PTH2R: variants seen among roughly 807,000 people sequenced by gnomAD.
PTH2R encodes parathyroid hormone 2 receptor, also known as PTH2 receptor.
Under a neutral mutation model 60.3 loss-of-function variants are expected in PTH2R, and 59 were observed. The observed-to-expected ratio is 0.98, with a 90% CI of 0.79 to 1.22. The LOEUF (loss-of-function observed/expected upper bound fraction) is 1.22. Ranked by LOEUF, PTH2R falls within the 50% of genes most tolerant of loss-of-function variation. The probability of loss-of-function intolerance (pLI) is 0.00; values close to 1 mark genes in which losing one functional copy is unlikely to be tolerated. For missense variants in PTH2R, 749 were observed against 682.6 expected, an observed-to-expected ratio of 1.10 and a Z score of -1.08; for synonymous variants, 256 against 243.8, an observed-to-expected ratio of 1.05 and a Z score of -0.47.
At chr2:208,386,343 G>A (rs1375091140) in intron 1 of PTH2R, among the ~76,000 whole-genome samples, 1 of 152,194 alleles carries the variant, frequency 6.6e-6, no homozygotes, top group Non-Finnish European at 1.5e-5. Context: ...TGGTATTGAT[G>A]TAGATTCAGT....
intron 8 of PTH2R, among the ~76,000 whole-genome samples, chr2:208,454,562 A>T (rs1702472457): frequency 6.6e-6 from 1 of 152,218 alleles, no homozygotes; most frequent in African/African-American, 2.4e-5. Flanking sequence ...TGGCACCCTG[A>T]TCTTGAACTT....
chr2:208,411,671 A>G (rs895252380), intron 1 of PTH2R, among the ~76,000 whole-genome samples: 14 of 152,188 alleles, frequency 9.2e-5, no homozygotes, highest in Non-Finnish European at 1.6e-4. Context: ...ACTGGAACCC[A>G]TCTTGTCCTT....
intron 11 of PTH2R, among the ~76,000 whole-genome samples, chr2:208,489,627 A>G (rs1186332341): frequency 6.6e-6 from 1 of 152,144 alleles, no homozygotes; most frequent in Non-Finnish European, 1.5e-5. Flanking sequence ...CTGCTTACTC[A>G]TTTGCTAGTC....
At chr2:208,461,151 C>T (rs937679774) in intron 9 of PTH2R, among the ~76,000 whole-genome samples, 4 of 152,094 alleles carry the variant, frequency 2.6e-5, no homozygotes, top group Non-Finnish European at 5.9e-5. Context: ...CTAAACCATC[C>T]TATTAACAAA....
At chr2:208,375,865 G>T (rs1024346778) in intron 1 of PTH2R, among the ~76,000 whole-genome samples, 1 of 152,080 alleles carries the variant, frequency 6.6e-6, no homozygotes, top group Non-Finnish European at 1.5e-5. Flanking sequence ...GCAGAGTAGG[G>T]AGTAAGAGAG....
intron 9 of PTH2R, among the ~76,000 whole-genome samples, chr2:208,478,764 A>C (rs1347753882): frequency 6.6e-6 from 1 of 152,162 alleles, no homozygotes; most frequent in Non-Finnish European, 1.5e-5. Flanking sequence ...AAGGGTGTAC[A>C]GTGTGGATCC....
chr2:208,363,859 G>C (rs1162775132), intron 1 of PTH2R, among the ~76,000 whole-genome samples: 1 of 152,058 alleles, frequency 6.6e-6, no homozygotes, highest in East Asian at 1.9e-4. Flanking sequence ...TTTTTAATGG[G>C]CTTGTTTGTT....
intron 1 of PTH2R, among the ~76,000 whole-genome samples, chr2:208,392,537 G>T (rs2125883345): frequency 6.6e-6 from 1 of 152,270 alleles, no homozygotes; most frequent in South Asian, 2.1e-4. Flanking sequence ...TTGTCCTGGG[G>T]CTATAAGGAT....
At chr2:208,444,572 T>G (rs1702250271) in intron 6 of PTH2R, among the ~76,000 whole-genome samples, 162 bp from the exon 7 acceptor site, 1 of 152,194 alleles carries the variant, frequency 6.6e-6, no homozygotes, top group Non-Finnish European at 1.5e-5. Flanking sequence ...AATGATGCAT[T>G]AAAATAACTG....
At chr2:208,382,089 C>A (rs972036214) in intron 1 of PTH2R, among the ~76,000 whole-genome samples, 4 of 152,130 alleles carry the variant, frequency 2.6e-5, no homozygotes, top group African/African-American at 9.7e-5. Context: ...TTCCAATTAG[C>A]ATAATGCTTT....
At chr2:208,418,623 C>A (rs540798609) in intron 1 of PTH2R, among the ~76,000 whole-genome samples, 3 of 152,076 alleles carry the variant, frequency 2.0e-5, no homozygotes, top group South Asian at 4.2e-4. Flanking sequence ...AAAAATTATA[C>A]TAAATGAGGT....
intron 1 of PTH2R, among the ~76,000 whole-genome samples, chr2:208,370,954 C>T (rs1380116871): frequency 6.6e-6 from 1 of 151,914 alleles, no homozygotes; most frequent in South Asian, 2.1e-4. Flanking sequence ...GGGGAGCATG[C>T]ATCTTACATG....
intron 9 of PTH2R, among the ~76,000 whole-genome samples, chr2:208,477,980 C>CTAGT (rs1559231947): frequency 3.1e-5 from 2 of 64,280 alleles, no homozygotes; most frequent in African/African-American, 6.6e-5. Flanking sequence ...GTACTACTAG[C>CTAGT]ACTACTACTA....
Position 208,493,792 on chromosome 2 carries a change from C to A in PTH2R, c.*133C>A, listed in dbSNP as rs535273165. The A allele has an allele frequency of 7.7e-6, 8 of 1,036,288 alleles. No homozygotes were observed. The South Asian group carries it at 1.3e-4, about 17-fold the overall frequency. 64.2% of individuals were successfully genotyped at this position (1,036,288 alleles called of 1,614,324 possible). A position where few individuals can be genotyped will look rare whatever the true frequency, so the allele number is the denominator to read the frequency against. Reference sequence around the variant, plus strand: ...GTGTTACTTAATAATAGTTTTTAGGCTCCATGAATTGGCTCCTGTAAATAC... The same window carrying A: ...GTGTTACTTAATAATAGTTTTTAGGATCCATGAATTGGCTCCTGTAAATAC... On this transcript the variant is annotated 3_prime_UTR_variant, in exon 13 of 13. Coordinates refer to ENST00000272847, the MANE Select transcript of PTH2R (RefSeq NM_005048.4).
chr2:208,370,401 C>A (rs773249532), intron 1 of PTH2R, among the ~76,000 whole-genome samples: 1 of 123,932 alleles, frequency 8.1e-6, no homozygotes, highest in Non-Finnish European at 1.6e-5. Flanking sequence ...AGAGATCACA[C>A]CACTGCACCC....
At chr2:208,363,462 T>C (rs1700517558) in intron 1 of PTH2R, among the ~76,000 whole-genome samples, 1 of 152,220 alleles carries the variant, frequency 6.6e-6, no homozygotes, top group South Asian at 2.1e-4. Context: ...TTGTGAATAG[T>C]GCTATGATGA....
chr2:208,429,739 T>C (rs988839353), intron 2 of PTH2R, among the ~76,000 whole-genome samples: 3 of 152,192 alleles, frequency 2.0e-5, no homozygotes, highest in African/African-American at 7.2e-5. Context: ...TCCATCTAAA[T>C]TGACACTCTG....
At chr2:208,444,665 TG>T in intron 6 of PTH2R, 68 bp from the exon 7 acceptor site, 1 of 1,424,206 alleles carries the variant, frequency 7.0e-7, no homozygotes, top group Non-Finnish European at 9.5e-7. Context: ...TGTTTTTTAG[TG>T]GTCTAATGTT....
At position 208,452,821 on chromosome 2, in the gene PTH2R, A is replaced by G. The variant is rs1007051380; in HGVS notation, c.914+2012A>G. ...ACTCATTATTAACTCTATGAAACTGAGGTCAGAGAAGTTGTGCTCAAGGTT... is the reference window on the plus strand; with the variant it reads ...ACTCATTATTAACTCTATGAAACTGGGGTCAGAGAAGTTGTGCTCAAGGTT... On this transcript the variant is annotated intron_variant, in intron 8 of 12. Transcript: ENST00000272847. Among the ~76,000 whole-genome samples the G allele has an allele frequency of 5.9e-5, 9 of 152,358 alleles. No homozygotes were observed. The East Asian group carries it at 1.3e-3, about 23-fold the overall frequency.
Sources: gnomAD v4.1 joint callset for allele counts (sites outside exome capture counted in the v4.1 genomes callset) on GRCh38, gnomAD v4.1.1 for gene constraint, MANE v1.5 for transcripts, NCBI Gene and HGNC (gene_info 2026-07-23, HGNC 2026-07-21) for gene names.